SLC35F2: variants seen among roughly 807,000 people sequenced by gnomAD.
The protein encoded by SLC35F2 is queuine/queuosine transporter SLC35F2.
In SLC35F2, 25 loss-of-function variants were observed where a neutral mutation model predicts 38.1. That is an observed-to-expected ratio of 0.66 (90% confidence interval 0.48 to 0.92). The LOEUF (loss-of-function observed/expected upper bound fraction) is 0.92, where lower values mean the gene tolerates loss of function less well. SLC35F2 is among the 40% of genes least tolerant of loss of function. SLC35F2 has a pLI of 0.00. For synonymous variants in SLC35F2, 173 were observed against 181.7 expected (o/e 0.95, Z 0.38); for missense variants, 409 against 452.9 (o/e 0.90, Z 0.88).
intron 1 of SLC35F2, among the ~76,000 whole-genome samples, chr11:107,832,467 ATT>A (rs1405683932): frequency 6.6e-6 from 1 of 152,112 alleles, no homozygotes; most frequent in Non-Finnish European, 1.5e-5. Context: ...ATTTTTTGTT[ATT>A]TTCTTTTTAT....
At chr11:107,820,073 T>C (rs1459799785) in intron 1 of SLC35F2, among the ~76,000 whole-genome samples, 2 of 151,572 alleles carry the variant, frequency 1.3e-5, no homozygotes, top group African/African-American at 2.4e-5. Context: ...TTGGTCAACA[T>C]GGTGAAACCC....
At chr11:107,843,861 AAAAAAAAATATATATATATATATATATAT>A (rs1403237418) in intron 1 of SLC35F2, among the ~76,000 whole-genome samples, 2 of 38,272 alleles carry the variant, frequency 5.2e-5, no homozygotes, top group African/African-American at 1.7e-4. Context: ...AAAAAAAAAA[AAAAAAAAATATATATATATATATATATAT>A]ATATATATAT....
chr11:107,799,949 C>T lies in SLC35F2; in HGVS notation c.939+3052G>A, dbSNP rs570774760. Among the ~76,000 whole-genome samples the T allele has an allele frequency of 4.2e-4, 64 of 150,674 alleles. 1 individual carries two copies. In the South Asian group the frequency reaches 7.0e-3, roughly 16 times the overall value. ...TGTTGCCCAGGCTGGAGTGCAGTGG[C>T]GTGATCTCGGCTTATTGCAAGCTCT... On this transcript the variant is annotated intron_variant, in intron 7 of 7. Transcript: ENST00000525815.
At chr11:107,807,430 C>T (rs983942836) in intron 3 of SLC35F2, among the ~76,000 whole-genome samples, 10 of 151,974 alleles carry the variant, frequency 6.6e-5, no homozygotes, top group African/African-American at 2.4e-4. Flanking sequence ...GGCTGTACAA[C>T]CCAGAGAGAC....
At chr11:107,809,625 C>T (rs1479359331) in intron 3 of SLC35F2, 2 of 936,230 alleles carry the variant, frequency 2.1e-6, no homozygotes, top group Admixed American at 1.2e-4. Context: ...GAGCAAGACT[C>T]CTTCTCAGAA....
At chr11:107,813,692 G>T (rs770391843) in intron 2 of SLC35F2, among the ~76,000 whole-genome samples, 1 of 152,030 alleles carries the variant, frequency 6.6e-6, no homozygotes, top group Non-Finnish European at 1.5e-5. Flanking sequence ...TGGAGACAGG[G>T]TCTTGGTCTG....
intron 1 of SLC35F2, among the ~76,000 whole-genome samples, chr11:107,821,827 C>G (rs900343651): frequency 1.3e-5 from 2 of 152,204 alleles, no homozygotes; most frequent in African/African-American, 4.8e-5. Context: ...CCAGAATACA[C>G]AGCAAACAAG....
At chr11:107,804,832 A>G in intron 5 of SLC35F2, 62 bp from the exon 6 acceptor site, 1 of 1,405,882 alleles carries the variant, frequency 7.1e-7, no homozygotes, top group Non-Finnish European at 9.9e-7. Context: ...TTTTATAAGC[A>G]TTTTAGTCAC....
intron 1 of SLC35F2, among the ~76,000 whole-genome samples, chr11:107,840,436 T>C (rs1025893398): frequency 2.6e-5 from 4 of 152,130 alleles, no homozygotes; most frequent in South Asian, 2.1e-4. Context: ...TGCCTGCCCA[T>C]TGAGGCAGAA....
intron 3 of SLC35F2, among the ~76,000 whole-genome samples, chr11:107,807,794 C>G (rs1306882700): frequency 6.6e-6 from 1 of 152,108 alleles, no homozygotes; most frequent in African/African-American, 2.4e-5. Context: ...AGGCTGGTCT[C>G]GAACTCCTGA....
intron 3 of SLC35F2, among the ~76,000 whole-genome samples, chr11:107,807,105 G>A (rs1252776321): frequency 6.6e-6 from 1 of 151,896 alleles, no homozygotes; most frequent in East Asian, 1.9e-4. Context: ...TGAAGATACA[G>A]AGAGGTGAAA....
intron 1 of SLC35F2, among the ~76,000 whole-genome samples, chr11:107,816,609 G>A (rs1565432713): frequency 1.3e-5 from 2 of 151,812 alleles, no homozygotes; most frequent in African/African-American, 4.8e-5. Context: ...TTCTAACATG[G>A]AAACTAATTA....
chr11:107,825,361 C>CTTTTTTTTTTTTTTTTTTTTTTTTTT (rs112751391), intron 1 of SLC35F2, among the ~76,000 whole-genome samples: 1 of 123,648 alleles, frequency 8.1e-6, no homozygotes, highest in African/African-American at 3.0e-5. Flanking sequence ...GCATTTCTTT[C>CTTTTTTTTTTTTTTTTTTTTTTTTTT]TTTTTTTTTT....
chr11:107,856,485 A>C (rs567089053), intron 1 of SLC35F2, among the ~76,000 whole-genome samples: 24 of 152,304 alleles, frequency 1.6e-4, no homozygotes, highest in African/African-American at 5.3e-4. Context: ...ACTTGAGGTC[A>C]GGAGTTCAAG....
At chr11:107,819,088 C>T (rs994212962) in intron 1 of SLC35F2, among the ~76,000 whole-genome samples, 8 of 152,198 alleles carry the variant, frequency 5.3e-5, no homozygotes, top group African/African-American at 1.9e-4. Context: ...CAGCCAGTTG[C>T]ATTCTGCTGG....
At chr11:107,834,881 A>C (rs1320305302) in intron 1 of SLC35F2, among the ~76,000 whole-genome samples, 1 of 152,190 alleles carries the variant, frequency 6.6e-6, no homozygotes, top group African/African-American at 2.4e-5. Flanking sequence ...TATACATTTA[A>C]GTTGGAATTC....
At chr11:107,843,036 G>A (rs546032455) in intron 1 of SLC35F2, among the ~76,000 whole-genome samples, 19 of 152,102 alleles carry the variant, frequency 1.2e-4, no homozygotes, top group Admixed American at 2.0e-4. Context: ...TTTTATCAAC[G>A]TGATATAAGG....
intron 7 of SLC35F2, among the ~76,000 whole-genome samples, chr11:107,795,420 T>C (rs1859202519): frequency 6.6e-6 from 1 of 152,186 alleles, no homozygotes; most frequent in Non-Finnish European, 1.5e-5. Flanking sequence ...AAAGATTTTA[T>C]GGCTAACATC....
At chr11:107,838,104 A>G (rs1859958620) in intron 1 of SLC35F2, among the ~76,000 whole-genome samples, 1 of 152,156 alleles carries the variant, frequency 6.6e-6, no homozygotes, top group African/African-American at 2.4e-5. Flanking sequence ...ATGTTAAGTA[A>G]CTTGCCCAAT....
Sources: allele counts gnomAD v4.1 joint callset (sites outside exome capture counted in the v4.1 genomes callset), GRCh38; gene constraint gnomAD v4.1.1; transcripts MANE v1.5; gene names NCBI Gene and HGNC (gene_info 2026-07-23, HGNC 2026-07-21).